The following PTK6 variants were observed in gnomAD, a reference collection of about 807,000 sequenced individuals.
PTK6 encodes protein tyrosine kinase 6.
A neutral mutation model predicts 47.5 loss-of-function variants in PTK6; 47 were observed. That is an observed-to-expected ratio of 0.99 (90% CI 0.78 to 1.26). The LOEUF is 1.26. Among genes scored for constraint, PTK6 ranks in the 50% most tolerant of loss-of-function variants. The probability of loss-of-function intolerance (pLI) is 0.00; values close to 1 mark genes in which losing one functional copy is unlikely to be tolerated. For synonymous variants in PTK6, 287 were observed against 276.5 expected (o/e 1.04, Z -0.38); for missense variants, 618 against 625.3 (o/e 0.99, Z 0.12).
rs1057463305 is a variant in PTK6 at position 63,530,574 on chromosome 20, G to A, written c.1014+172C>T. Reference sequence around the variant, plus strand: ...CCCTGCTGTGCGTGCCATTCAGAATGGGGGCCCCACCGGACTCACGGTGGC... The same window carrying A: ...CCCTGCTGTGCGTGCCATTCAGAATAGGGGCCCCACCGGACTCACGGTGGC... On this transcript the variant is annotated intron_variant, in intron 6 of 7. Coordinates refer to ENST00000542869, the MANE Select transcript of PTK6 (RefSeq NM_005975.4). This position sits in a 1 kb window ranked among gnomAD's most constrained non-coding sequence, Gnocchi z 4.1. 6.6e-6 allele frequency among the ~76,000 whole-genome samples: 1 copy of A among 152,140 alleles called. No homozygotes were observed. Among genetic ancestry groups the A allele is most frequent in the African/African-American group, 2.4e-5 (1 of 41,426 alleles).
chr20:63,534,881 G>A, intron 2 of PTK6, 57 bp downstream of exon 2: 1 of 1,537,302 alleles, frequency 6.5e-7, no homozygotes, highest in Non-Finnish European at 8.8e-7. Context: ...GTGGCTGGGA[G>A]GGCTTAGAGC....
At position 63,530,767 on chromosome 20, in the gene PTK6, G is replaced by A. The variant is rs771055635; in HGVS notation, c.993C>T (p.Phe331=). ...CTACCTTGATAAGCCTGGCTAACCC[G>A]AAGTCCCCAACTTTGCAGAGGGTGT... ...GENTLCKVGD[F]GLARLIKEDV... is the part of the protein sequence containing the mutation. Residue 331 remains phenylalanine (F), a synonymous_variant, in exon 6 of 8, where the codon TTC becomes TTT. Coordinates refer to ENST00000542869, the MANE Select transcript of PTK6 (RefSeq NM_005975.4). This position sits in a 1 kb window ranked among gnomAD's most constrained non-coding sequence, Gnocchi z 4.1. The A allele has an allele frequency of 1.4e-4, 227 of 1,613,860 alleles. 1 individual carries two copies. The highest frequency in any genetic ancestry group is 1.3e-3 in the Middle Eastern group (8 of 6,060).
intron 5 of PTK6, 87 bp downstream of exon 5, chr20:63,532,411 CTGTGTGTCTGTGTGTCTACGTGTGTGTG>C: frequency 7.6e-7 from 1 of 1,313,420 alleles, no homozygotes; most frequent in Non-Finnish European, 1.0e-6. Context: ...ATGTGTGTGT[CTGTGTGTCTGTGTGTCTACGTGTGTGTG>C]TGTGTAGACG....
At position 63,531,438 on chromosome 20, in the gene PTK6, ATAT is replaced by A. The variant is rs370069888; in HGVS notation, c.833-514_833-512del. 2.3e-3 allele frequency among the ~76,000 whole-genome samples: 158 copies of A among 68,586 alleles called. 3 individuals carry two copies. The highest frequency in any genetic ancestry group is 0.011 in the African/African-American group (101 of 9,296). The allele number at this position is 68,586 out of a possible 152,430, so 45.0% of individuals were successfully genotyped here. A position where few individuals can be genotyped will look rare whatever the true frequency, so the allele number is the denominator to read the frequency against. ...TCCGTCTCAAAAAAAAAAAAAAAAA[ATAT>A]ATATATATATATATATATATATAAT... On this transcript the variant is annotated intron_variant, in intron 5 of 7. Coordinates refer to ENST00000542869, the MANE Select transcript of PTK6 (RefSeq NM_005975.4).
chr20:63,535,279 A>G (rs2082655928), intron 1 of PTK6, among the ~76,000 whole-genome samples: 1 of 152,170 alleles, frequency 6.6e-6, no homozygotes, highest in Non-Finnish European at 1.5e-5. Flanking sequence ...GGGCAGGGGC[A>G]GGCGCTACCA....
rs1030879437 is a variant in PTK6 at position 63,535,267 on chromosome 20, G to A, written c.231-208C>T. The stretch of plus-strand genomic sequence containing the variant: ...CAGGACAGGCCCCTGAGGACCCGGC[G>A]GGGGCAGGGGCAGGCGCTACCACAC... On this transcript the variant is annotated intron_variant, in intron 1 of 7. Transcript: ENST00000542869. 4.6e-5 allele frequency among the ~76,000 whole-genome samples: 7 copies of A among 152,308 alleles called. No individual in the cohort carries two copies. The South Asian group carries it at 1.2e-3, about 27-fold the overall frequency.
At position 63,530,993 on chromosome 20, in the gene PTK6, A is replaced by C; in HGVS notation, c.833-66T>G. The C allele has an allele frequency of 7.1e-7, 1 of 1,405,838 alleles. No individual in the cohort carries two copies. The highest frequency in any genetic ancestry group is 9.5e-7 in the Non-Finnish European group (1 of 1,052,648). The allele number at this position is 1,405,838 out of a possible 1,614,324, so 87.1% of individuals were successfully genotyped here. A position where few individuals can be genotyped will look rare whatever the true frequency, so the allele number is the denominator to read the frequency against. On this transcript the variant is annotated intron_variant, in intron 5 of 7. Transcript: ENST00000542869. The surrounding 1 kb of genome is among the most constrained non-coding windows in gnomAD (Gnocchi z 4.1). ...CAGCTGAGGTGGGGAAGGGTTGGGG[A>C]GGCTGGGCCATGTCTCATCTGCCTC... is the stretch of plus-strand genomic sequence containing the variant.
Position 63,529,213 on chromosome 20 carries a change from C to T in PTK6, c.*323G>A, listed in dbSNP as rs549446223. ...GGCGTGTTTGCCTCCCACCCTCAGC[C>T]GGGCACTGCAGACAGACAGCCAGAG... is the stretch of plus-strand genomic sequence containing the variant. On this transcript the variant is annotated 3_prime_UTR_variant, in exon 8 of 8. Coordinates refer to ENST00000542869, the MANE Select transcript of PTK6 (RefSeq NM_005975.4). This position sits in a 1 kb window ranked among gnomAD's most constrained non-coding sequence, Gnocchi z 5.6. 5.2e-5 allele frequency: 12 copies of T among 230,846 alleles called. No homozygotes were observed. In the East Asian group the frequency reaches 7.0e-4, roughly 13 times the overall value. 14.3% of individuals were successfully genotyped at this position (230,846 alleles called of 1,614,324 possible).
In PTK6 at chr20:63,530,619, C is replaced by T. The variant is rs1409682553; in HGVS notation, c.1014+127G>A. 3.3e-6 allele frequency: 4 copies of T among 1,226,124 alleles called. No homozygotes were observed. Among genetic ancestry groups the T allele is most frequent in the Admixed American group, 2.8e-5 (1 of 35,438 alleles). The allele number at this position is 1,226,124 out of a possible 1,614,324, so 76.0% of individuals were successfully genotyped here. A position where few individuals can be genotyped will look rare whatever the true frequency, so the allele number is the denominator to read the frequency against. ...GGTGGCTTCCCACCTCCCTGCCCAG[C>T]CTGGGCTCCCGAGGGCAGGGGCCGC... On this transcript the variant is annotated intron_variant, in intron 6 of 7. Transcript: ENST00000542869. The surrounding 1 kb of genome is among the most constrained non-coding windows in gnomAD (Gnocchi z 4.1).
chr20:63,537,239 C>A lies in PTK6; in HGVS notation c.76G>T (p.Glu26Ter), dbSNP rs1028504421. ...ACGTCCCCCGCGCGGAAGCTCAGCT[C>A]CTCGTCCGTCCGGGACTTGAAGTCC... ...LWDFKSRTDE[E>*]LSFRAGDVFH... Residue 26 changes from glutamate (E) to a stop codon, truncating the protein, a stop_gained, in exon 1 of 8, where the codon GAG (glutamate) becomes TAG (stop). Transcript: ENST00000542869. LOFTEE classifies it high-confidence loss of function. 1 of 1,612,420 alleles carries A rather than the reference C, an allele frequency of 6.2e-7. No homozygotes were observed. The highest frequency in any genetic ancestry group is 1.7e-5 in the Admixed American group (1 of 59,992).
chr20:63,530,767 G>C lies in PTK6; in HGVS notation c.993C>G (p.Phe331Leu). The change falls in exon 6 of 8, where the codon TTC becomes TTG. Residue 331 changes from phenylalanine to leucine, a missense_variant. Phe to Leu is a conservative substitution (Grantham distance 22). Transcript: ENST00000542869. This position sits in a 1 kb window ranked among gnomAD's most constrained non-coding sequence, Gnocchi z 4.1. ...GENTLCKVGD[F>L]GLARLIKEDV... ...CTACCTTGATAAGCCTGGCTAACCC[G>C]AAGTCCCCAACTTTGCAGAGGGTGT... 2.5e-6 allele frequency: 4 copies of C among 1,613,860 alleles called. No individual in the cohort carries two copies. The highest frequency in any genetic ancestry group is 2.5e-6 in the Non-Finnish European group (3 of 1,179,918).
At chr20:63,534,855 G>T in intron 2 of PTK6, 83 bp downstream of exon 2, 1 of 1,487,830 alleles carries the variant, frequency 6.7e-7, no homozygotes, top group South Asian at 1.3e-5. Flanking sequence ...CAGCCAGAGC[G>T]AGCCGGGTTC....
rs2082654023 is a variant in PTK6 at position 63,535,036 on chromosome 20, C to CG, written c.253dup (p.Arg85ProfsTer92). 6.2e-7 allele frequency: 1 copy of CG among 1,603,360 alleles called. No homozygotes were observed. The highest frequency in any genetic ancestry group is 8.5e-7 in the Non-Finnish European group (1 of 1,172,972). On this transcript the variant is annotated frameshift_variant, in exon 2 of 8. Coordinates refer to ENST00000542869, the MANE Select transcript of PTK6 (RefSeq NM_005975.4). LOFTEE classifies it high-confidence loss of function. ...CTGCAGCCGACGCACAGCTTCCGAG[C>CG]GGGAGATGCAGCCAAAGAACCACCT...
chr20:63,530,767 G>T lies in PTK6; in HGVS notation c.993C>A (p.Phe331Leu). ...GENTLCKVGD[F>L]GLARLIKEDV... The stretch of plus-strand genomic sequence containing the variant: ...CTACCTTGATAAGCCTGGCTAACCC[G>T]AAGTCCCCAACTTTGCAGAGGGTGT... Residue 331 changes from phenylalanine to leucine, a missense_variant, in exon 6 of 8, where the codon TTC (phenylalanine) becomes TTA (leucine). Phe to Leu is a conservative substitution (Grantham distance 22, BLOSUM62 0). Coordinates refer to ENST00000542869, the MANE Select transcript of PTK6 (RefSeq NM_005975.4). This position sits in a 1 kb window ranked among gnomAD's most constrained non-coding sequence, Gnocchi z 4.1. 7 of 1,613,860 alleles carry T rather than the reference G, an allele frequency of 4.3e-6. No homozygotes were observed. Among genetic ancestry groups the T allele is most frequent in the Non-Finnish European group, 5.9e-6 (7 of 1,179,918 alleles).
chr20:63,534,259 G>A lies in PTK6; in HGVS notation c.409C>T (p.Leu137=). 1 of 1,608,540 alleles carries A rather than the reference G, an allele frequency of 6.2e-7. No individual in the cohort carries two copies. Among genetic ancestry groups the A allele is most frequent in the South Asian group, 1.1e-5 (1 of 90,130 alleles). Residue 137 remains leucine, a synonymous_variant, in exon 3 of 8, where the codon CTG becomes TTG. Transcript: ENST00000542869. Reference sequence around the variant, plus strand: ...AAGGACACCGCCTCGTTCAGGTGCAGCCGGCCCCCGGCACGCCGCCAGATC... The same window carrying A: ...AAGGACACCGCCTCGTTCAGGTGCAACCGGCCCCCGGCACGCCGCCAGATC... ...YKIWRRAGGR[L]HLNEAVSFLS...
At position 63,535,104 on chromosome 20, in the gene PTK6, A is replaced by C. The variant is rs545712701; in HGVS notation, c.231-45T>G. 3 of 1,546,936 alleles carry C rather than the reference A, an allele frequency of 1.9e-6. No individual in the cohort carries two copies. The African/African-American group carries it at 4.1e-5, about 21-fold the overall frequency. On this transcript the variant is annotated intron_variant, in intron 1 of 7. Transcript: ENST00000542869. Reference sequence around the variant, plus strand: ...GAACACGCGGACCTGGGCCCACCCCACGTGGACCCCACGCTGGCCCCAGCC... The same window carrying C: ...GAACACGCGGACCTGGGCCCACCCCCCGTGGACCCCACGCTGGCCCCAGCC...
rs556912157 is a variant in PTK6 at position 63,533,808 on chromosome 20, G to A, written c.517-104C>T. The A allele has an allele frequency of 4.8e-6, 7 of 1,453,522 alleles. No individual in the cohort carries two copies. The highest frequency in any genetic ancestry group is 1.8e-4 in the Middle Eastern group (1 of 5,552). 90.0% of individuals were successfully genotyped at this position (1,453,522 alleles called of 1,614,324 possible). On this transcript the variant is annotated intron_variant, in intron 3 of 7. Coordinates refer to ENST00000542869, the MANE Select transcript of PTK6 (RefSeq NM_005975.4). This position sits in a 1 kb window ranked among gnomAD's most constrained non-coding sequence, Gnocchi z 4.0. ...GATTTAGCCTCAGATTTAGGGCCAC[G>A]ATCAGCCTGGGTTGGGGGTTTCTGA...
chr20:63,532,379 C>G, intron 5 of PTK6, 147 bp downstream of exon 5: 2 of 996,188 alleles, frequency 2.0e-6, no homozygotes, highest in African/African-American at 3.0e-5. Flanking sequence ...CTCTGTGTGT[C>G]TGTGTCTGTG....
intron 5 of PTK6, among the ~76,000 whole-genome samples, chr20:63,531,235 C>A (rs1384915968): frequency 1.3e-5 from 2 of 151,762 alleles, no homozygotes; most frequent in Non-Finnish European, 2.9e-5. Flanking sequence ...TCCTGGCTAA[C>A]ACGGTGAAAC....
Sources: gnomAD v4.1 joint callset for allele counts (sites outside exome capture counted in the v4.1 genomes callset) on GRCh38, gnomAD v4.1.1 for gene constraint, Gnocchi (gnomAD v3.1) non-coding constraint, MANE v1.5 for transcripts, NCBI Gene and HGNC (gene_info 2026-07-23, HGNC 2026-07-21) for gene names.